Variants in SLCO5A1 observed in about 807,000 individuals in gnomAD.
The protein encoded by SLCO5A1 is solute carrier organic anion transporter family member 5A1.
In SLCO5A1, 39 loss-of-function variants were observed where a neutral mutation model predicts 65.1. The observed-to-expected ratio is 0.60, with a 90% CI of 0.46 to 0.78. The LOEUF (loss-of-function observed/expected upper bound fraction) is 0.78, where lower values mean the gene tolerates loss of function less well. SLCO5A1 is among the 30% of genes least tolerant of loss of function. SLCO5A1 has a pLI of 0.00. For missense variants in SLCO5A1, 1,029 were observed against 1,069.4 expected (o/e 0.96, Z 0.53); for synonymous variants, 438 against 415.7 (o/e 1.05, Z -0.65).
chr8:69,704,952 C>T, intron 6 of SLCO5A1, 79 bp downstream of exon 6: 1 of 1,348,378 alleles, frequency 7.4e-7, no homozygotes, highest in Non-Finnish European at 1.0e-6. Context: ...GGGTATGAGG[C>T]TGACTGCAGA....
chr8:69,821,431 AAGG>A (rs555133111), intron 2 of SLCO5A1, among the ~76,000 whole-genome samples: 2,006 of 151,582 alleles, frequency 0.013, 25 homozygotes, highest in Non-Finnish European at 0.019. Context: ...GAAGAGGAAG[AAGG>A]AGGAGGAGGA....
intron 5 of SLCO5A1, among the ~76,000 whole-genome samples, chr8:69,722,583 A>G (rs540265528): frequency 6.6e-6 from 1 of 152,340 alleles, no homozygotes; most frequent in African/African-American, 2.4e-5. Flanking sequence ...CAGGACAAAA[A>G]TCTGATTTCA....
intron 2 of SLCO5A1, among the ~76,000 whole-genome samples, chr8:69,767,903 A>C (rs1488712179): frequency 2.2e-5 from 3 of 138,468 alleles, no homozygotes; most frequent in Non-Finnish European, 4.5e-5. Context: ...AAAAAAAAAA[A>C]AAAAAAAACA....
intron 2 of SLCO5A1, among the ~76,000 whole-genome samples, chr8:69,809,564 G>A (rs1820135896): frequency 6.6e-6 from 1 of 152,062 alleles, no homozygotes. Flanking sequence ...TTTAAAAGCA[G>A]CTTGGTTAGA....
At chr8:69,697,026 A>G (rs1814526247) in intron 6 of SLCO5A1, among the ~76,000 whole-genome samples, 1 of 152,250 alleles carries the variant, frequency 6.6e-6, no homozygotes, top group Non-Finnish European at 1.5e-5. Flanking sequence ...ACGTTCCAAC[A>G]TCTGACTAAC....
chr8:69,696,202 C>T (rs747980132), intron 6 of SLCO5A1, among the ~76,000 whole-genome samples: 1 of 152,142 alleles, frequency 6.6e-6, no homozygotes, highest in African/African-American at 2.4e-5. Flanking sequence ...GCAGGTAAGA[C>T]GTGGACTGTG....
intron 6 of SLCO5A1, among the ~76,000 whole-genome samples, chr8:69,691,528 C>G (rs1029087757): frequency 6.6e-6 from 1 of 152,194 alleles, no homozygotes. Flanking sequence ...TTGATGACCA[C>G]CATTCTAGCT....
At chr8:69,799,218 C>T (rs1190692595) in intron 2 of SLCO5A1, among the ~76,000 whole-genome samples, 1 of 152,076 alleles carries the variant, frequency 6.6e-6, no homozygotes, top group African/African-American at 2.4e-5. Context: ...ATTTAAGAAG[C>T]TTACTTTAGA....
At chr8:69,823,270 A>C (rs1345502552) in intron 2 of SLCO5A1, among the ~76,000 whole-genome samples, 2 of 152,190 alleles carry the variant, frequency 1.3e-5, no homozygotes, top group Non-Finnish European at 2.9e-5. Context: ...CACACATAAC[A>C]ATATTAACTT....
At chr8:69,729,970 A>C (rs1050169898) in intron 5 of SLCO5A1, among the ~76,000 whole-genome samples, 2 of 152,248 alleles carry the variant, frequency 1.3e-5, no homozygotes, top group Admixed American at 6.5e-5. Flanking sequence ...TTCCTAAAGG[A>C]AATTTAAATT....
At chr8:69,755,762 A>G (rs1247056176) in intron 3 of SLCO5A1, 121 bp from the exon 4 acceptor site, 3 of 755,722 alleles carry the variant, frequency 4.0e-6, no homozygotes, top group Non-Finnish European at 6.3e-6. Flanking sequence ...ATCAACTGTA[A>G]AGCAGTAGGA....
intron 5 of SLCO5A1, among the ~76,000 whole-genome samples, chr8:69,719,097 C>T (rs923541555): frequency 6.6e-6 from 1 of 152,092 alleles, no homozygotes; most frequent in African/African-American, 2.4e-5. Context: ...TAATAAAAAT[C>T]AAAACATTTT....
At chr8:69,709,223 C>G (rs1815114507) in intron 5 of SLCO5A1, among the ~76,000 whole-genome samples, 1 of 152,138 alleles carries the variant, frequency 6.6e-6, no homozygotes, top group Non-Finnish European at 1.5e-5. Context: ...AGGGTTTTAT[C>G]TGTTTGCTAG....
chr8:69,756,523 C>G (rs1370966683), intron 3 of SLCO5A1, among the ~76,000 whole-genome samples: 5 of 152,202 alleles, frequency 3.3e-5, no homozygotes, highest in Non-Finnish European at 7.4e-5. Context: ...CAAGAACCTA[C>G]AACCTGTTCA....
intron 5 of SLCO5A1, among the ~76,000 whole-genome samples, chr8:69,718,513 T>C (rs1815663371): frequency 6.6e-6 from 1 of 152,164 alleles, no homozygotes; most frequent in Admixed American, 6.5e-5. Context: ...AAGTATGATG[T>C]TAGCTGTGGG....
At chr8:69,708,914 A>T (rs891300411) in intron 5 of SLCO5A1, among the ~76,000 whole-genome samples, 8 of 152,190 alleles carry the variant, frequency 5.3e-5, no homozygotes, top group African/African-American at 1.7e-4. Context: ...CTCAAAAAAA[A>T]AGAAGAAAAC....
intron 6 of SLCO5A1, among the ~76,000 whole-genome samples, chr8:69,698,278 C>A (rs1563668626): frequency 6.6e-6 from 1 of 152,066 alleles, no homozygotes; most frequent in East Asian, 1.9e-4. Context: ...TAGATTGATT[C>A]CATGTATTTG....
intron 5 of SLCO5A1, among the ~76,000 whole-genome samples, chr8:69,736,995 C>T (rs1439752512): frequency 2.6e-5 from 4 of 152,146 alleles, no homozygotes; most frequent in Admixed American, 1.3e-4. Context: ...TATAGGAAAT[C>T]ATATATTTTT....
intron 2 of SLCO5A1, among the ~76,000 whole-genome samples, chr8:69,829,591 T>G (rs1233553535): frequency 6.6e-6 from 1 of 152,044 alleles, no homozygotes; most frequent in African/African-American, 2.4e-5. Flanking sequence ...GGTGGGAGGA[T>G]TGCTTGAATC....
Sources: allele counts gnomAD v4.1 joint callset (sites outside exome capture counted in the v4.1 genomes callset), GRCh38; gene constraint gnomAD v4.1.1; transcripts MANE v1.5; gene names NCBI Gene and HGNC (gene_info 2026-07-23, HGNC 2026-07-21).